FARP2: variants seen among roughly 807,000 people sequenced by gnomAD.
FARP2 encodes the protein FERM, ARH/RhoGEF and pleckstrin domain protein 2, also known as FERM, ARHGEF and pleckstrin domain-containing protein 2.
Under a neutral mutation model 130.5 loss-of-function variants are expected in FARP2, and 111 were observed. The observed-to-expected ratio is 0.85, with a 90% CI of 0.73 to 1.00. The LOEUF (loss-of-function observed/expected upper bound fraction) is 1.00. Ranked by LOEUF, FARP2 falls within the 50% of genes least tolerant of loss-of-function variation. The pLI, the probability that FARP2 is intolerant of heterozygous loss-of-function variation, is 0.00. For synonymous variants in FARP2, 504 were observed against 516.9 expected (o/e 0.98, Z 0.34); for missense variants, 1,385 against 1,346.3 (o/e 1.03, Z -0.45).
chr2:241,482,842 A>G lies in FARP2; in HGVS notation c.2263-623A>G, dbSNP rs1463817255. 2.0e-5 allele frequency among the ~76,000 whole-genome samples: 3 copies of G among 152,270 alleles called. No homozygotes were observed. The highest frequency in any genetic ancestry group is 1.9e-4 in the East Asian group (1 of 5,174). On this transcript the variant is annotated intron_variant, in intron 19 of 26. Coordinates refer to ENST00000264042, the MANE Select transcript of FARP2 (RefSeq NM_014808.4). This position sits in a 1 kb window ranked among gnomAD's most constrained non-coding sequence, Gnocchi z 4.6. ...GGCTCCCAGGACTCTCGCTTACCCTATCTGCGCAGGTGTCTGATACTGGCA... is the reference window on the plus strand; with the variant it reads ...GGCTCCCAGGACTCTCGCTTACCCTGTCTGCGCAGGTGTCTGATACTGGCA...
chr2:241,362,327 G>A (rs1270714883), intron 1 of FARP2, among the ~76,000 whole-genome samples: 2 of 152,084 alleles, frequency 1.3e-5, no homozygotes, highest in African/African-American at 4.8e-5. Flanking sequence ...ATTTTGGCCA[G>A]GCGTGGTGGC....
chr2:241,440,286 A>G (rs1178343898), intron 12 of FARP2, among the ~76,000 whole-genome samples: 1 of 152,186 alleles, frequency 6.6e-6, no homozygotes, highest in East Asian at 1.9e-4. Flanking sequence ...GCGTGTGTAT[A>G]TATAGTAAGG....
intron 8 of FARP2, among the ~76,000 whole-genome samples, chr2:241,427,983 G>A (rs891804620): frequency 1.3e-5 from 2 of 151,930 alleles, no homozygotes; most frequent in African/African-American, 4.8e-5. Flanking sequence ...AGCCAGGATG[G>A]TCTCGATCTC....
chr2:241,453,425 A>G (rs959733160), intron 13 of FARP2, among the ~76,000 whole-genome samples: 10 of 152,056 alleles, frequency 6.6e-5, no homozygotes, highest in Admixed American at 3.3e-4. Flanking sequence ...GATCGAGACC[A>G]TCCTGGCTAA....
intron 20 of FARP2, 124 bp from the exon 21 acceptor site, chr2:241,484,118 C>A: frequency 6.8e-7 from 1 of 1,472,370 alleles, no homozygotes; most frequent in Non-Finnish European, 9.0e-7. Context: ...CCCTTTCTGC[C>A]AAAAATCTCC....
rs1559786201 is a variant in FARP2 at position 241,453,768 on chromosome 2, G to GTTTTT, written c.1412-2979_1412-2978insTTTTT. On this transcript the variant is annotated intron_variant, in intron 13 of 26. Transcript: ENST00000264042. Reference sequence around the variant, plus strand: ...TTGTTTACTGGGAGTGGCACTTACTGGTTTTTTTTTTTTTTTTTTTTTTTT... The same window carrying GTTTTT: ...TTGTTTACTGGGAGTGGCACTTACTGTTTTTGTTTTTTTTTTTTTTTTTTTTTTTT... Among the ~76,000 whole-genome samples, 6 of 99,882 alleles carry GTTTTT rather than the reference G, an allele frequency of 6.0e-5. 2 individuals are homozygous for GTTTTT. The highest frequency in any genetic ancestry group is 3.7e-4 in the East Asian group (1 of 2,680). 65.5% of individuals were successfully genotyped at this position (99,882 alleles called of 152,430 possible).
chr2:241,461,968 G>C (rs763864483), intron 14 of FARP2, among the ~76,000 whole-genome samples: 9 of 152,324 alleles, frequency 5.9e-5, no homozygotes, highest in Non-Finnish European at 2.9e-5. Context: ...CCTATGGCCA[G>C]CTTGCCTGCT....
chr2:241,452,492 G>T (rs1346745254), intron 13 of FARP2, among the ~76,000 whole-genome samples: 1 of 152,158 alleles, frequency 6.6e-6, no homozygotes, highest in African/African-American at 2.4e-5. Flanking sequence ...TATAAGGTTT[G>T]CTATAGCTAA....
intron 4 of FARP2, among the ~76,000 whole-genome samples, chr2:241,407,118 T>C (rs571644609): frequency 6.6e-6 from 1 of 152,342 alleles, no homozygotes; most frequent in East Asian, 1.9e-4. Flanking sequence ...CTACTTGTTT[T>C]TAAGGCTTCC....
intron 13 of FARP2, 188 bp downstream of exon 13, chr2:241,441,744 G>A: frequency 1.1e-6 from 1 of 874,514 alleles, no homozygotes; most frequent in East Asian, 2.7e-5. Context: ...GGTGTGACCG[G>A]CAGTGTCGTG....
chr2:241,440,281 T>G (rs2150413727), intron 12 of FARP2, among the ~76,000 whole-genome samples: 1 of 152,306 alleles, frequency 6.6e-6, no homozygotes, highest in Admixed American at 6.5e-5. Flanking sequence ...ATGTGGCGTG[T>G]GTATATATAG....
At position 241,434,292 on chromosome 2, in the gene FARP2, C is replaced by T; in HGVS notation, c.1002C>T (p.Phe334=). 1 of 1,613,074 alleles carries T rather than the reference C, an allele frequency of 6.2e-7. No homozygotes were observed. The change falls in exon 10 of 27, where the codon TTC becomes TTT. Residue 334 remains phenylalanine (F), a synonymous_variant. Coordinates refer to ENST00000264042, the MANE Select transcript of FARP2 (RefSeq NM_014808.4). The part of the protein sequence containing the change: ...DQPKPKAKAV[F]FSRGSSFRYS... ...CTAAGCCAAAAGCAAAAGCCGTCTT[C>T]TTCAGCCGGGGCTCCTCCTTCAGAT...
intron 12 of FARP2, among the ~76,000 whole-genome samples, 189 bp from the exon 13 acceptor site, chr2:241,441,115 G>A (rs899322224): frequency 2.6e-5 from 4 of 152,180 alleles, no homozygotes; most frequent in African/African-American, 9.7e-5. Context: ...AGACGATCCT[G>A]GGTTGATTTG....
chr2:241,402,829 A>C (rs1231095608), intron 2 of FARP2, among the ~76,000 whole-genome samples: 1 of 92,450 alleles, frequency 1.1e-5, no homozygotes, highest in Admixed American at 1.3e-4. Flanking sequence ...CACTACACCC[A>C]GCTAATTTAT....
At chr2:241,443,045 G>A (rs1319799112) in intron 13 of FARP2, 2 of 208,798 alleles carry the variant, frequency 9.6e-6, no homozygotes, top group Non-Finnish European at 1.9e-5. Context: ...GATGGCCATA[G>A]GCCATGGCCT....
Position 241,475,750 on chromosome 2 carries a change from A to T in FARP2, c.2132-107A>T. 9.8e-7 allele frequency: 1 copy of T among 1,017,090 alleles called. No individual in the cohort carries two copies. The highest frequency in any genetic ancestry group is 1.4e-6 in the Non-Finnish European group (1 of 738,302). 63.0% of individuals were successfully genotyped at this position (1,017,090 alleles called of 1,614,324 possible). Reference sequence around the variant, plus strand: ...AAGGAGTCGAGTAGGATGTACCTCTAATTAGAACTGCCTTTTAGAATGCTG... The same window carrying T: ...AAGGAGTCGAGTAGGATGTACCTCTTATTAGAACTGCCTTTTAGAATGCTG... On this transcript the variant is annotated intron_variant, in intron 18 of 26. Transcript: ENST00000264042. The surrounding 1 kb of genome is among the most constrained non-coding windows in gnomAD (Gnocchi z 4.4).
At chr2:241,466,120 T>G (rs1435212728) in intron 17 of FARP2, 16 of 1,074,752 alleles carry the variant, frequency 1.5e-5, no homozygotes, top group Non-Finnish European at 1.8e-5. Context: ...CCAAGAGCTC[T>G]GTCCACAAAA....
intron 18 of FARP2, among the ~76,000 whole-genome samples, chr2:241,474,733 A>C (rs1253483758): frequency 6.6e-6 from 1 of 151,806 alleles, no homozygotes; most frequent in Non-Finnish European, 1.5e-5. Flanking sequence ...CGGAGGTTTC[A>C]GTGAGCCAAG....
chr2:241,492,951 T>C lies in FARP2; in HGVS notation c.2810T>C (p.Leu937Pro). The C allele has an allele frequency of 6.2e-7, 1 of 1,610,872 alleles. No individual in the cohort carries two copies. The highest frequency in any genetic ancestry group is 8.5e-7 in the Non-Finnish European group (1 of 1,177,008). ...CAGAACCAGCTTTCAGGATATCTGC[T>C]AAGAAAGTTCAAAAACAGTCATGGC... is the stretch of plus-strand genomic sequence containing the variant. ...AVENQLSGYL[L>P]RKFKNSHGWQ... Residue 937 changes from leucine to proline, a missense_variant, in exon 25 of 27, where the codon CTA becomes CCA. Coordinates refer to ENST00000264042, the MANE Select transcript of FARP2 (RefSeq NM_014808.4).
Sources: allele counts gnomAD v4.1 joint callset (sites outside exome capture counted in the v4.1 genomes callset), GRCh38; gene constraint gnomAD v4.1.1; non-coding constraint Gnocchi (gnomAD v3.1); transcripts MANE v1.5; gene names NCBI Gene and HGNC (gene_info 2026-07-23, HGNC 2026-07-21).